GRIA1: variants seen among roughly 807,000 people sequenced by gnomAD.
The protein encoded by GRIA1 is glutamate ionotropic receptor AMPA type subunit 1.
GRIA1 carries 31 observed loss-of-function variants against 99.2 expected under a neutral mutation model. The ratio of observed to expected loss-of-function variants is 0.31; its 90% confidence interval spans 0.23 to 0.42. GRIA1 has a LOEUF of 0.42. GRIA1 is among the 10% of genes least tolerant of loss of function. The pLI is 1.00. For missense variants in GRIA1, 782 were observed against 1,157.5 expected (o/e 0.68, Z 4.71); for synonymous variants, 438 against 432.4 (o/e 1.01, Z -0.16).
chr5:153,788,104 G>A (rs1765085099), intron 13 of GRIA1, among the ~76,000 whole-genome samples: 1 of 151,464 alleles, frequency 6.6e-6, no homozygotes, highest in Admixed American at 6.6e-5. Flanking sequence ...AAAAATTAGT[G>A]CATCCAAAGC....
At chr5:153,489,919 G>A (rs1753759236), upstream of GRIA1, 1 of 449,100 alleles carries the variant, frequency 2.2e-6, no homozygotes, top group African/African-American at 2.0e-5. Context: ...AGAGAGAAGG[G>A]GGCCCATTTT....
intron 2 of GRIA1, among the ~76,000 whole-genome samples, chr5:153,503,981 A>G (rs1046529306): frequency 6.6e-6 from 1 of 152,202 alleles, no homozygotes; most frequent in South Asian, 2.1e-4. Flanking sequence ...CAGCACTGGC[A>G]GCCTTCACCT....
chr5:153,586,962 C>T (rs1763538371), intron 2 of GRIA1, among the ~76,000 whole-genome samples: 1 of 152,190 alleles, frequency 6.6e-6, no homozygotes, highest in African/African-American at 2.4e-5. Flanking sequence ...GACATGTTCT[C>T]TGATGAAGGG....
rs559114453 is a variant in GRIA1, at chr5:153,599,221, G to A, written c.221-47707G>A. Reference sequence around the variant, plus strand: ...TATATAATTTCCTTCCTTTTTGGCTGATTGAAGTCCATTGCTAATTCTAGT... The same window carrying A: ...TATATAATTTCCTTCCTTTTTGGCTAATTGAAGTCCATTGCTAATTCTAGT... On this transcript the variant is annotated intron_variant, in intron 2 of 15. Transcript: ENST00000285900. 1.9e-3 allele frequency among the ~76,000 whole-genome samples: 282 copies of A among 152,256 alleles called. 1 individual carries two copies. The highest frequency in any genetic ancestry group is 6.4e-3 in the African/African-American group (265 of 41,554).
At chr5:153,579,900 A>C (rs4958666) in intron 2 of GRIA1, among the ~76,000 whole-genome samples, 109,920 of 150,062 alleles carry the variant, frequency 0.73, 42,647 homozygotes, top group Non-Finnish European at 0.87. Context: ...AACAAACAAA[A>C]AAAAAAAAAC....
At chr5:153,807,705 G>T (rs774168485) in intron 15 of GRIA1, among the ~76,000 whole-genome samples, 5 of 152,152 alleles carry the variant, frequency 3.3e-5, no homozygotes, top group Non-Finnish European at 4.4e-5. Context: ...TACAACAGCA[G>T]AAAATACATA....
In GRIA1 at chr5:153,624,059, T is replaced by G. The variant is rs368503381; in HGVS notation, c.221-22869T>G. 3.7e-4 allele frequency among the ~76,000 whole-genome samples: 57 copies of G among 152,332 alleles called. 1 individual carries two copies. The highest frequency in any genetic ancestry group is 6.8e-3 in the Middle Eastern group (2 of 294). On this transcript the variant is annotated intron_variant, in intron 2 of 15. Coordinates refer to ENST00000285900, the MANE Select transcript of GRIA1 (RefSeq NM_000827.4). Reference sequence around the variant, plus strand: ...AGTTAGTCAGTGCTTGGAAATGGCTTCTGGATGAATTTCCTTTGCAAAAAG... The same window carrying G: ...AGTTAGTCAGTGCTTGGAAATGGCTGCTGGATGAATTTCCTTTGCAAAAAG...
At chr5:153,537,659 G>A (rs1464368057) in intron 2 of GRIA1, among the ~76,000 whole-genome samples, 1 of 152,168 alleles carries the variant, frequency 6.6e-6, no homozygotes, top group African/African-American at 2.4e-5. Flanking sequence ...GAGGGCCTTG[G>A]TGTCAGAACC....
intron 13 of GRIA1, among the ~76,000 whole-genome samples, chr5:153,787,363 G>A (rs1436161327): frequency 1.3e-5 from 2 of 152,034 alleles, no homozygotes; most frequent in Non-Finnish European, 2.9e-5. Context: ...TTGTTCTTTG[G>A]CCCTCTTGGG....
chr5:153,670,445 T>G (rs1437575455), intron 5 of GRIA1, among the ~76,000 whole-genome samples: 1 of 64,022 alleles, frequency 1.6e-5, no homozygotes, highest in Non-Finnish European at 4.9e-5. Flanking sequence ...TTAATTTCAT[T>G]TTTTTTTTTG....
intron 2 of GRIA1, among the ~76,000 whole-genome samples, chr5:153,577,187 TGGATG>T: frequency 6.8e-6 from 1 of 147,166 alleles, no homozygotes. Context: ...GATGGATGGA[TGGATG>T]GATGGATGGG....
intron 7 of GRIA1, among the ~76,000 whole-genome samples, chr5:153,680,024 C>T (rs530002601): frequency 1.5e-4 from 23 of 152,208 alleles, no homozygotes; most frequent in African/African-American, 5.3e-4. Flanking sequence ...ATGGAGAAGC[C>T]GAGCTTCAGA....
intron 7 of GRIA1, among the ~76,000 whole-genome samples, chr5:153,677,750 G>A (rs1226568204): frequency 6.6e-6 from 1 of 152,204 alleles, no homozygotes; most frequent in African/African-American, 2.4e-5. Flanking sequence ...ACAGAGAGAA[G>A]CATAAATATT....
At position 153,601,250 on chromosome 5, in the gene GRIA1, G is replaced by A. The variant is rs1049269055; in HGVS notation, c.221-45678G>A. On this transcript the variant is annotated intron_variant, in intron 2 of 15. Coordinates refer to ENST00000285900, the MANE Select transcript of GRIA1 (RefSeq NM_000827.4). ...AGAAGCCAAAACCTCAAAGAGTTTG[G>A]AATCTTACCTAAGATCTCATAACTC... Among the ~76,000 whole-genome samples, 4 of 152,116 alleles carry A rather than the reference G, an allele frequency of 2.6e-5. No homozygotes were observed. In the South Asian group the frequency reaches 6.2e-4, roughly 24 times the overall value.
intron 2 of GRIA1, among the ~76,000 whole-genome samples, chr5:153,569,347 C>T (rs1761916889): frequency 6.6e-6 from 1 of 152,202 alleles, no homozygotes; most frequent in Admixed American, 6.5e-5. Flanking sequence ...ATAAAGCCAG[C>T]CATGGGTAAG....
At chr5:153,528,746 C>T (rs779833600) in intron 2 of GRIA1, among the ~76,000 whole-genome samples, 5 of 152,220 alleles carry the variant, frequency 3.3e-5, no homozygotes, top group Non-Finnish European at 7.3e-5. Context: ...TCATAGTAGA[C>T]ATCACATTCA....
At chr5:153,743,718 C>T (rs1047215028) in intron 11 of GRIA1, among the ~76,000 whole-genome samples, 1 of 152,158 alleles carries the variant, frequency 6.6e-6, no homozygotes, top group Admixed American at 6.5e-5. Context: ...AGATAATGTT[C>T]CTGTCTTAAG....
At chr5:153,809,205 G>A (rs1392063342) in intron 15 of GRIA1, among the ~76,000 whole-genome samples, 2 of 152,170 alleles carry the variant, frequency 1.3e-5, no homozygotes, top group South Asian at 2.1e-4. Flanking sequence ...ATTTTTAGGT[G>A]AGGATAAGTA....
At position 153,698,088 on chromosome 5, in the gene GRIA1, C is replaced by A; in HGVS notation, c.1179C>A (p.Thr393=). 2 of 1,611,368 alleles carry A rather than the reference C, an allele frequency of 1.2e-6. No individual in the cohort carries two copies. The highest frequency in any genetic ancestry group is 8.5e-7 in the Non-Finnish European group (1 of 1,177,588). Residue 393 remains threonine, a synonymous_variant, in exon 9 of 16, where the codon ACC becomes ACA. Coordinates refer to ENST00000285900, the MANE Select transcript of GRIA1 (RefSeq NM_000827.4). ...ATGATAAGTTTGTCCCTGCAGCCAC[C>A]GATGCCCAAGCTGGGGGCGATAATT... ...NEDDKFVPAA[T]DAQAGGDNSS...
Sources: allele counts gnomAD v4.1 joint callset (sites outside exome capture counted in the v4.1 genomes callset), GRCh38; gene constraint gnomAD v4.1.1; transcripts MANE v1.5; gene names NCBI Gene and HGNC (gene_info 2026-07-23, HGNC 2026-07-21).